Variants in PPP1R8 observed in about 807,000 individuals in gnomAD.
PPP1R8 encodes protein phosphatase 1 regulatory subunit 8, also known as nuclear inhibitor of protein phosphatase 1.
In PPP1R8, 4 loss-of-function variants were observed where a neutral mutation model predicts 31.3. That is an observed-to-expected ratio of 0.13 (90% CI 0.06 to 0.29). The LOEUF (loss-of-function observed/expected upper bound fraction) is 0.29, where lower values mean the gene tolerates loss of function less well. Among genes scored for constraint, PPP1R8 ranks in the 10% least tolerant of loss-of-function variants. The pLI is 1.00. For synonymous variants in PPP1R8, 170 were observed against 169.7 expected (o/e 1.00, Z -0.01); for missense variants, 254 against 440.1 (o/e 0.58, Z 3.78).
intron 3 of PPP1R8, 72 bp from the exon 4 acceptor site, chr1:27,840,942 A>C: frequency 1.3e-6 from 2 of 1,494,506 alleles, no homozygotes; most frequent in Non-Finnish European, 1.8e-6. Flanking sequence ...AGAGTTGGCG[A>C]TCATACTCTT....
chr1:27,843,834 T>G (rs976311261), intron 5 of PPP1R8, among the ~76,000 whole-genome samples: 1 of 151,924 alleles, frequency 6.6e-6, no homozygotes, highest in Non-Finnish European at 1.5e-5. Flanking sequence ...ACACCTGCAG[T>G]CCCAGCTACT....
chr1:27,845,568 C>T (rs2089269814), intron 5 of PPP1R8, among the ~76,000 whole-genome samples: 1 of 151,778 alleles, frequency 6.6e-6, no homozygotes, highest in Admixed American at 6.6e-5. Flanking sequence ...ATATTTTTGT[C>T]CTTTCTCGTC....
chr1:27,837,732 A>G (rs6683237), intron 2 of PPP1R8, among the ~76,000 whole-genome samples: 3,351 of 149,780 alleles, frequency 0.022, 110 homozygotes, highest in African/African-American at 0.076. Flanking sequence ...CCGAGATCGC[A>G]CCACTGCACT....
intron 1 of PPP1R8, chr1:27,831,367 G>A: frequency 4.0e-6 from 4 of 987,822 alleles, no homozygotes; most frequent in Non-Finnish European, 4.8e-6. Flanking sequence ...GAATACGAGG[G>A]TAGGTTAGCG....
chr1:27,833,940 C>A (rs1030768240), intron 2 of PPP1R8, among the ~76,000 whole-genome samples: 5 of 152,190 alleles, frequency 3.3e-5, no homozygotes, highest in Non-Finnish European at 5.9e-5. Flanking sequence ...CAGAGAGCCC[C>A]TTTGTCATGG....
chr1:27,848,902 C>T lies in PPP1R8; in HGVS notation c.703-1191C>T, dbSNP rs932135786. Reference sequence around the variant, plus strand: ...ACATATAATAAAATCTACACATTTACGTATATAGTTTTGGCAAATATATGT... The same window carrying T: ...ACATATAATAAAATCTACACATTTATGTATATAGTTTTGGCAAATATATGT... On this transcript the variant is annotated intron_variant, in intron 6 of 6. Transcript: ENST00000311772. 1.1e-4 allele frequency among the ~76,000 whole-genome samples: 17 copies of T among 152,254 alleles called. No individual in the cohort carries two copies. In the East Asian group the frequency reaches 2.1e-3, roughly 19 times the overall value.
rs143047469 is a variant in PPP1R8 at position 27,834,385 on chromosome 1, T to A, written c.117+1569T>A. 180 of 516,508 alleles carry A rather than the reference T, an allele frequency of 3.5e-4. No homozygotes were observed. In the East Asian group the frequency reaches 8.7e-3, roughly 25 times the overall value. 32.0% of individuals were successfully genotyped at this position (516,508 alleles called of 1,614,324 possible). On this transcript the variant is annotated intron_variant, in intron 2 of 6. Coordinates refer to ENST00000311772, the MANE Select transcript of PPP1R8 (RefSeq NM_014110.5). ...CGTAGACCTGAGATGTGCTTATTTT[T>A]AGATTTAAACTTGATCAGCACTTGA...
chr1:27,848,470 T>G (rs899257438), intron 6 of PPP1R8, among the ~76,000 whole-genome samples: 2 of 152,184 alleles, frequency 1.3e-5, no homozygotes, highest in East Asian at 3.8e-4. Flanking sequence ...TCGTTCAGCA[T>G]GTGGAAGAAC....
intron 5 of PPP1R8, 85 bp from the exon 6 acceptor site, chr1:27,846,943 G>C: frequency 9.0e-7 from 1 of 1,117,312 alleles, no homozygotes; most frequent in Non-Finnish European, 1.4e-6. Context: ...ATGAGTTGTT[G>C]TGATGGTTTG....
chr1:27,850,371 A>G lies in PPP1R8; in HGVS notation c.981A>G (p.Val327=). Residue 327 remains valine (V), a synonymous_variant, in exon 7 of 7, where the codon GTA becomes GTG. Coordinates refer to ENST00000311772, the MANE Select transcript of PPP1R8 (RefSeq NM_014110.5). ...PNPAVYNPEA[V]NEPKKKKYAK... Reference sequence around the variant, plus strand: ...CTGCAGTCTATAACCCTGAAGCTGTAAATGAACCCAAGAAGAAGAAATATG... The same window carrying G: ...CTGCAGTCTATAACCCTGAAGCTGTGAATGAACCCAAGAAGAAGAAATATG... 6.2e-7 allele frequency: 1 copy of G among 1,614,124 alleles called. No individual in the cohort carries two copies. The highest frequency in any genetic ancestry group is 8.5e-7 in the Non-Finnish European group (1 of 1,179,986).
In PPP1R8 at chr1:27,847,087, G is replaced by T. The variant is rs1265698170; in HGVS notation, c.697G>T (p.Val233Phe). ...CATGGTGCAAACTGCAGTGGTCCCA[G>T]TCAAGGTAGGAAGCACATGAAATGC... The part of the protein sequence containing the change: ...RNMVQTAVVP[V>F]KKKRVEGPGS... The change falls in exon 6 of 7, where the codon GTC becomes TTC. Residue 233 changes from valine to phenylalanine, a missense_variant. Val to Phe is a conservative substitution (Grantham distance 50). Transcript: ENST00000311772. The T allele has an allele frequency of 6.2e-7, 1 of 1,613,610 alleles. No homozygotes were observed. Among genetic ancestry groups the T allele is most frequent in the Non-Finnish European group, 8.5e-7 (1 of 1,179,636 alleles).
intron 4 of PPP1R8, 56 bp downstream of exon 4, chr1:27,841,290 TA>T: frequency 6.3e-7 from 1 of 1,576,484 alleles, no homozygotes; most frequent in Non-Finnish European, 8.7e-7. Context: ...TTTTGGAGTA[TA>T]CAGCTGTTCT....
At chr1:27,848,346 A>C (rs957737461) in intron 6 of PPP1R8, among the ~76,000 whole-genome samples, 4 of 151,464 alleles carry the variant, frequency 2.6e-5, no homozygotes, top group African/African-American at 9.7e-5. Context: ...CAGAGCTTGC[A>C]GTGAGCCGAG....
At position 27,840,910 on chromosome 1, in the gene PPP1R8, G is replaced by A. The variant is rs562261848; in HGVS notation, c.272-104G>A. The A allele has an allele frequency of 1.6e-5, 19 of 1,158,030 alleles. No individual in the cohort carries two copies. The African/African-American group carries it at 2.1e-4, about 13-fold the overall frequency. 71.7% of individuals were successfully genotyped at this position (1,158,030 alleles called of 1,614,324 possible). A position where few individuals can be genotyped will look rare whatever the true frequency, so the allele number is the denominator to read the frequency against. ...GACAAAAAAGCAAAACTGATGTGCT[G>A]GGGGGAAGCTGACCTGATAAGAGAG... On this transcript the variant is annotated intron_variant, in intron 3 of 6. Coordinates refer to ENST00000311772, the MANE Select transcript of PPP1R8 (RefSeq NM_014110.5).
At chr1:27,846,939 TG>T (rs1158552420) in intron 5 of PPP1R8, 88 bp from the exon 6 acceptor site, 1 of 1,085,398 alleles carries the variant, frequency 9.2e-7, no homozygotes, top group Non-Finnish European at 1.4e-6. Context: ...TAATATGAGT[TG>T]TTGTGATGGT....
At chr1:27,846,650 C>T (rs781223695) in intron 5 of PPP1R8, among the ~76,000 whole-genome samples, 62 of 152,188 alleles carry the variant, frequency 4.1e-4, no homozygotes, top group Non-Finnish European at 7.8e-4. Flanking sequence ...TTTTCTTTCC[C>T]CTCAAAAGAG....
At chr1:27,843,641 CAAAA>C (rs67039473) in intron 5 of PPP1R8, among the ~76,000 whole-genome samples, 1 of 145,310 alleles carries the variant, frequency 6.9e-6, no homozygotes, top group African/African-American at 2.5e-5. Context: ...GCCTAGGTGA[CAAAA>C]AAAAAAGAAA....
At chr1:27,831,474 A>G (rs1469889072) in intron 1 of PPP1R8, 1 of 510,972 alleles carries the variant, frequency 2.0e-6, no homozygotes, top group African/African-American at 2.1e-5. Flanking sequence ...GTTCTTGGGA[A>G]TAATGAAATA....
chr1:27,849,635 C>T (rs186007809), intron 6 of PPP1R8, among the ~76,000 whole-genome samples: 105 of 152,154 alleles, frequency 6.9e-4, no homozygotes, highest in African/African-American at 2.4e-3. Flanking sequence ...ATTACAGGCA[C>T]CTGCCACCAC....
Sources: allele counts gnomAD v4.1 joint callset (sites outside exome capture counted in the v4.1 genomes callset), GRCh38; gene constraint gnomAD v4.1.1; transcripts MANE v1.5; gene names NCBI Gene and HGNC (gene_info 2026-07-23, HGNC 2026-07-21).